Variants in MCTP2 observed in about 807,000 individuals in gnomAD.
MCTP2 encodes the protein multiple C2 and transmembrane domain containing 2, also known as multiple C2 and transmembrane domain-containing protein 2.
Under a neutral mutation model 111.6 loss-of-function variants are expected in MCTP2, and 132 were observed. The observed-to-expected ratio is 1.18, with a 90% confidence interval of 1.03 to 1.37. The LOEUF (loss-of-function observed/expected upper bound fraction) is 1.37. Among genes scored for constraint, MCTP2 ranks in the 40% most tolerant of loss-of-function variants. The pLI is 0.00. For synonymous variants in MCTP2, 395 were observed against 387.7 expected, an observed-to-expected ratio of 1.02 and a Z score of -0.22; for missense variants, 1,183 against 1,067.9, an observed-to-expected ratio of 1.11 and a Z score of -1.50.
Position 94,423,169 on chromosome 15 carries a change from G to A in MCTP2, c.2086-17007G>A, listed in dbSNP as rs543129324. Among the ~76,000 whole-genome samples, 11 of 152,174 alleles carry A rather than the reference G, an allele frequency of 7.2e-5. No individual in the cohort carries two copies. The South Asian group carries it at 1.9e-3, about 26-fold the overall frequency. On this transcript the variant is annotated intron_variant, in intron 17 of 22. Transcript: ENST00000357742. ...TTGTCTTCCAAGTGATTTTCTTCTC[G>A]ATTATACCTCTGTCCTTTCACTTGG...
At chr15:94,313,745 T>C (rs915644010) in intron 2 of MCTP2, among the ~76,000 whole-genome samples, 5 of 152,070 alleles carry the variant, frequency 3.3e-5, no homozygotes, top group Non-Finnish European at 5.9e-5. Context: ...TAGACACCTC[T>C]CATTCTGAGG....
chr15:94,283,821 A>G (rs78374840), intron 1 of MCTP2, among the ~76,000 whole-genome samples: 2,800 of 152,284 alleles, frequency 0.018, 84 homozygotes, highest in African/African-American at 0.063. Flanking sequence ...TTTTAAAACC[A>G]TATGCATTGC....
chr15:94,277,466 A>G (rs2074271942), intron 1 of MCTP2, among the ~76,000 whole-genome samples: 1 of 152,192 alleles, frequency 6.6e-6, no homozygotes, highest in Admixed American at 6.5e-5. Context: ...TGGCACATCT[A>G]GACAATAGAA....
chr15:94,254,176 A>T (rs543424518), intron 1 of MCTP2, among the ~76,000 whole-genome samples: 3 of 152,274 alleles, frequency 2.0e-5, no homozygotes, highest in African/African-American at 7.2e-5. Flanking sequence ...TCACTTTCTG[A>T]TCAGCCTTTG....
At chr15:94,300,050 G>C (rs2075526325) in intron 2 of MCTP2, among the ~76,000 whole-genome samples, 1 of 152,020 alleles carries the variant, frequency 6.6e-6, no homozygotes, top group Admixed American at 6.6e-5. Flanking sequence ...ATTAAATCAG[G>C]TCAGTATAAG....
intron 12 of MCTP2, among the ~76,000 whole-genome samples, chr15:94,376,622 G>A (rs2152445450): frequency 6.6e-6 from 1 of 152,212 alleles, no homozygotes; most frequent in South Asian, 2.1e-4. Context: ...TATTTGATAC[G>A]TGAAGAACTG....
At chr15:94,247,861 G>T (rs189795033) in intron 1 of MCTP2, among the ~76,000 whole-genome samples, 1 of 152,096 alleles carries the variant, frequency 6.6e-6, no homozygotes, top group Admixed American at 6.5e-5. Flanking sequence ...TTAATAAAAC[G>T]AATCCTCTTC....
At chr15:94,288,994 G>GAAAAATAATAGAGTCTCC (rs2074906024) in intron 1 of MCTP2, among the ~76,000 whole-genome samples, 1 of 152,132 alleles carries the variant, frequency 6.6e-6, no homozygotes, top group African/African-American at 2.4e-5. Flanking sequence ...GAAGAAGATT[G>GAAAAATAATAGAGTCTCC]AAAAATAATA....
intron 14 of MCTP2, among the ~76,000 whole-genome samples, chr15:94,386,671 A>T (rs890168584): frequency 6.6e-5 from 10 of 151,960 alleles, no homozygotes; most frequent in African/African-American, 2.4e-4. Flanking sequence ...TTTGTCAGTT[A>T]TTCCCATGAG....
At chr15:94,409,912 T>A (rs1002419693) in intron 17 of MCTP2, among the ~76,000 whole-genome samples, 11 of 133,830 alleles carry the variant, frequency 8.2e-5, no homozygotes, top group Admixed American at 1.6e-4. Context: ...TCTCTCTCCT[T>A]CCTCCTCACC....
At chr15:94,374,424 G>A (rs989870824) in intron 12 of MCTP2, among the ~76,000 whole-genome samples, 2 of 152,138 alleles carry the variant, frequency 1.3e-5, no homozygotes, top group African/African-American at 2.4e-5. Flanking sequence ...ATAGTTGACA[G>A]TATGCTGCTG....
intron 1 of MCTP2, among the ~76,000 whole-genome samples, chr15:94,266,564 G>C (rs142769300): frequency 9.8e-4 from 150 of 152,290 alleles, no homozygotes; most frequent in African/African-American, 3.6e-3. Flanking sequence ...ACACGCTGAA[G>C]TTCAGATATT....
intron 1 of MCTP2, among the ~76,000 whole-genome samples, chr15:94,294,962 T>G (rs1199118499): frequency 1.9e-5 from 2 of 106,384 alleles, no homozygotes; most frequent in African/African-American, 3.9e-5. Context: ...TTTTTTTTTT[T>G]TTTTTTTGAG....
chr15:94,440,261 C>T lies in MCTP2; in HGVS notation c.2171C>T (p.Pro724Leu). The T allele has an allele frequency of 3.1e-6, 5 of 1,614,046 alleles. No individual in the cohort carries two copies. The highest frequency in any genetic ancestry group is 4.2e-6 in the Non-Finnish European group (5 of 1,179,976). ...LLIFVYNFIR[P>L]VKGKVSSIQD... is the part of the protein sequence containing the mutation. ...ATCTTTGTCTACAATTTCATCAGAC[C>T]TGTGAAAGGCAAGGTCAGCAGCATC... Residue 724 changes from proline (P) to leucine (L), a missense_variant, in exon 18 of 23, where the codon CCT (proline) becomes CTT (leucine). Physicochemically the swap from Pro to Leu is moderately conservative, Grantham distance 98. Coordinates refer to ENST00000357742, the MANE Select transcript of MCTP2 (RefSeq NM_001385001.1).
In MCTP2 at chr15:94,315,532, C is replaced by A. The variant is rs542318098; in HGVS notation, c.532C>A (p.Pro178Thr). The A allele has an allele frequency of 6.2e-7, 1 of 1,612,884 alleles. No individual in the cohort carries two copies. Among genetic ancestry groups the A allele is most frequent in the East Asian group, 2.2e-5 (1 of 44,842 alleles). ...ACTGCCTTCTCCATCTGTGCAGGTA[C>A]CGGGGGAAGCCAGTGATGGCTTGAG... ...TSQHFEEQSV[P>T]GEASDGLSNL... Residue 178 changes from proline (P) to threonine (T), a missense_variant, in exon 4 of 23, where the codon CCG becomes ACG. Physicochemically the swap from Pro to Thr is conservative, Grantham distance 38 (BLOSUM62 -1). Transcript: ENST00000357742.
chr15:94,456,171 A>G (rs2152524560), intron 19 of MCTP2, among the ~76,000 whole-genome samples: 1 of 152,280 alleles, frequency 6.6e-6, no homozygotes, highest in Admixed American at 6.5e-5. Flanking sequence ...GTTACTCAAG[A>G]TATAGTAAGA....
chr15:94,372,614 T>C (rs1184980874), intron 12 of MCTP2, among the ~76,000 whole-genome samples: 2 of 152,278 alleles, frequency 1.3e-5, no homozygotes, highest in South Asian at 2.1e-4. Context: ...CTCAACAGTG[T>C]CATTGGATCA....
At position 94,398,991 on chromosome 15, in the gene MCTP2, C is replaced by T. The variant is rs1278997348; in HGVS notation, c.1819C>T (p.Leu607=). ...AGATGGACAACCGAATTGTTATGTA[C>T]TAAAGAATAAAGATTTAGAACAAGC... ...IRDGQPNCYV[L]KNKDLEQAFK... The change falls in exon 15 of 23, where the codon CTA becomes TTA. Residue 607 remains leucine (L), a synonymous_variant. Coordinates refer to ENST00000357742, the MANE Select transcript of MCTP2 (RefSeq NM_001385001.1). The T allele has an allele frequency of 6.4e-7, 1 of 1,561,750 alleles. No homozygotes were observed. The highest frequency in any genetic ancestry group is 8.8e-7 in the Non-Finnish European group (1 of 1,132,858).
intron 1 of MCTP2, among the ~76,000 whole-genome samples, chr15:94,292,335 T>G (rs762335848): frequency 2.0e-5 from 3 of 152,084 alleles, no homozygotes; most frequent in Non-Finnish European, 2.9e-5. Context: ...AGGCATAGCA[T>G]ATGGAGAGGA....
Sources: gnomAD v4.1 joint callset for allele counts (sites outside exome capture counted in the v4.1 genomes callset) on GRCh38, gnomAD v4.1.1 for gene constraint, MANE v1.5 for transcripts, NCBI Gene and HGNC (gene_info 2026-07-23, HGNC 2026-07-21) for gene names.